GABRB3: variants seen among roughly 807,000 people sequenced by gnomAD.
GABRB3 encodes gamma-aminobutyric acid receptor subunit beta-3.
A neutral mutation model predicts 52.1 loss-of-function variants in GABRB3; 14 were observed. The ratio of observed to expected loss-of-function variants is 0.27; its 90% CI spans 0.18 to 0.42. GABRB3 has a LOEUF of 0.42. Ranked by LOEUF, GABRB3 falls within the 10% of genes least tolerant of loss-of-function variation. GABRB3 has a pLI of 1.00. For synonymous variants in GABRB3, 260 were observed against 232.3 expected (o/e 1.12, Z -1.08); for missense variants, 307 against 609.1 (o/e 0.50, Z 5.22).
intron 4 of GABRB3, among the ~76,000 whole-genome samples, chr15:26,601,741 A>G (rs1278578810): frequency 1.3e-5 from 2 of 152,248 alleles, no homozygotes; most frequent in African/African-American, 4.8e-5. Flanking sequence ...TAGCAACCTC[A>G]AATCAAAAAA....
intron 8 of GABRB3, among the ~76,000 whole-genome samples, chr15:26,555,698 T>C (rs140082258): frequency 6.6e-6 from 1 of 152,354 alleles, no homozygotes; most frequent in African/African-American, 2.4e-5. Flanking sequence ...AATTTTACAT[T>C]ATTCTTATTT....
At chr15:26,702,330 A>G (rs1194527212) in intron 3 of GABRB3, among the ~76,000 whole-genome samples, 1 of 152,244 alleles carries the variant, frequency 6.6e-6, no homozygotes, top group East Asian at 1.9e-4. Context: ...TATATCTGAT[A>G]AAGAGCTTAC....
Position 26,700,181 on chromosome 15 carries a change from G to T in GABRB3, c.240+72221C>A, listed in dbSNP as rs559972565. 3.9e-5 allele frequency among the ~76,000 whole-genome samples: 6 copies of T among 152,206 alleles called. No homozygotes were observed. The South Asian group carries it at 1.2e-3, about 32-fold the overall frequency. ...AAGAGACATCATTTCAGGGCCTACA[G>T]ATGTCAAAAAGAAAACTAAGGGAAT... On this transcript the variant is annotated intron_variant, in intron 3 of 8. Coordinates refer to ENST00000311550, the MANE Select transcript of GABRB3 (RefSeq NM_000814.6).
At chr15:26,606,200 T>C (rs1367163448) in intron 4 of GABRB3, among the ~76,000 whole-genome samples, 3 of 129,292 alleles carry the variant, frequency 2.3e-5, no homozygotes, top group Non-Finnish European at 5.4e-5. Context: ...GGTTAATGGG[T>C]ACAAAAAAAT....
chr15:26,697,401 A>G (rs886883580), intron 3 of GABRB3, among the ~76,000 whole-genome samples: 1 of 152,164 alleles, frequency 6.6e-6, no homozygotes, highest in Non-Finnish European at 1.5e-5. Flanking sequence ...AGCAAAGTCT[A>G]TCAGCACAAT....
chr15:26,706,829 T>C (rs1889118236), intron 3 of GABRB3, among the ~76,000 whole-genome samples: 1 of 152,196 alleles, frequency 6.6e-6, no homozygotes, highest in Admixed American at 6.5e-5. Flanking sequence ...TACACAGATA[T>C]TCTGCATGAA....
At chr15:26,550,697 C>T (rs1030595372) in intron 8 of GABRB3, among the ~76,000 whole-genome samples, 1 of 142,288 alleles carries the variant, frequency 7.0e-6, no homozygotes, top group African/African-American at 2.6e-5. Context: ...TCTGGAAGCA[C>T]AGTTAACCCC....
intron 3 of GABRB3, among the ~76,000 whole-genome samples, chr15:26,658,267 A>C (rs1383703387): frequency 2.0e-5 from 3 of 152,204 alleles, no homozygotes. Flanking sequence ...TCTCTAAAAA[A>C]AACCCCAGCC....
At chr15:26,594,003 T>TATATATATATAA (rs1555369554) in intron 4 of GABRB3, among the ~76,000 whole-genome samples, 1 of 138,168 alleles carries the variant, frequency 7.2e-6, no homozygotes, top group Non-Finnish European at 1.6e-5. Context: ...TATATATATA[T>TATATATATATAA]AATAGCCATC....
At chr15:26,651,363 G>A (rs1887191815) in intron 3 of GABRB3, among the ~76,000 whole-genome samples, 1 of 152,242 alleles carries the variant, frequency 6.6e-6, no homozygotes, top group African/African-American at 2.4e-5. Flanking sequence ...GGGCCAAGAA[G>A]AATACTGCAT....
At chr15:26,561,472 A>G (rs1021230124) in intron 7 of GABRB3, among the ~76,000 whole-genome samples, 4 of 135,324 alleles carry the variant, frequency 3.0e-5, no homozygotes, top group Non-Finnish European at 4.6e-5. Flanking sequence ...GAATTTTGAG[A>G]GTAGAAGAAG....
intron 3 of GABRB3, among the ~76,000 whole-genome samples, chr15:26,746,355 C>A (rs952188554): frequency 2.6e-5 from 4 of 152,054 alleles, no homozygotes; most frequent in Non-Finnish European, 5.9e-5. Context: ...ACTCCAAGTT[C>A]TTTGTCAAAT....
chr15:26,737,686 A>G (rs1013308375), intron 3 of GABRB3, among the ~76,000 whole-genome samples: 2 of 152,122 alleles, frequency 1.3e-5, no homozygotes, highest in African/African-American at 4.8e-5. Context: ...CAACTCTTTT[A>G]TATATACAAG....
intron 3 of GABRB3, among the ~76,000 whole-genome samples, chr15:26,771,601 T>C (rs1038353158): frequency 3.9e-5 from 6 of 152,158 alleles, no homozygotes; most frequent in South Asian, 2.1e-4. Flanking sequence ...GGGCCATCCT[T>C]CTCCTGATTC....
chr15:26,720,634 C>T (rs910256712), intron 3 of GABRB3, among the ~76,000 whole-genome samples: 2 of 152,152 alleles, frequency 1.3e-5, no homozygotes, highest in African/African-American at 4.8e-5. Context: ...CTTAGGAATA[C>T]CAAGAGTTTC....
chr15:26,689,460 G>A (rs996289836), intron 3 of GABRB3, among the ~76,000 whole-genome samples: 1 of 152,140 alleles, frequency 6.6e-6, no homozygotes, highest in African/African-American at 2.4e-5. Flanking sequence ...GCAGAGTGAG[G>A]TGGTCAAGTA....
intron 7 of GABRB3, among the ~76,000 whole-genome samples, chr15:26,564,480 C>T (rs1038710416): frequency 1.3e-5 from 2 of 152,182 alleles, no homozygotes; most frequent in East Asian, 1.9e-4. Flanking sequence ...CGCGTTGAGT[C>T]CAGGTCCAAC....
chr15:26,586,101 C>A (rs950294413), intron 4 of GABRB3, among the ~76,000 whole-genome samples: 1 of 152,082 alleles, frequency 6.6e-6, no homozygotes, highest in Non-Finnish European at 1.5e-5. Context: ...CAGGTTCACA[C>A]CATTCTCCTG....
chr15:26,700,778 A>G (rs10083631), intron 3 of GABRB3, among the ~76,000 whole-genome samples: 143,945 of 152,342 alleles, frequency 0.94, 68,319 homozygotes, highest in East Asian at 0.99. Flanking sequence ...ACTCTCGGCC[A>G]GGTACAGTGG....
Sources: gnomAD v4.1 joint callset for allele counts (sites outside exome capture counted in the v4.1 genomes callset) on GRCh38, gnomAD v4.1.1 for gene constraint, MANE v1.5 for transcripts, NCBI Gene and HGNC (gene_info 2026-07-23, HGNC 2026-07-21) for gene names.